The following GPLD1 variants were observed in gnomAD, a reference collection of about 807,000 sequenced individuals.
GPLD1 encodes phosphatidylinositol-glycan-specific phospholipase D.
GPLD1 carries 84 observed loss-of-function variants against 112.6 expected under a neutral mutation model. That is an observed-to-expected ratio of 0.75 (90% confidence interval 0.63 to 0.89). GPLD1 has a LOEUF of 0.89. Among genes scored for constraint, GPLD1 ranks in the 40% least tolerant of loss-of-function variants. GPLD1 has a pLI of 0.00. For missense variants in GPLD1, 1,044 were observed against 1,051.5 expected (o/e 0.99, Z 0.10); for synonymous variants, 386 against 403.8 (o/e 0.96, Z 0.53).
At chr6:24,488,506 T>C in intron 1 of GPLD1, among the ~76,000 whole-genome samples, 1 of 152,096 alleles carries the variant, frequency 6.6e-6, no homozygotes, top group East Asian at 1.9e-4. Flanking sequence ...CTATTACAAA[T>C]TGACTCACGT....
At chr6:24,488,982 G>A (rs1342957967) in intron 1 of GPLD1, among the ~76,000 whole-genome samples, 1 of 152,080 alleles carries the variant, frequency 6.6e-6, no homozygotes, top group Non-Finnish European at 1.5e-5. Flanking sequence ...CCACTCCCAT[G>A]GCCACATATG....
chr6:24,442,156 CTG>C (rs541773415), intron 20 of GPLD1, among the ~76,000 whole-genome samples: 87 of 151,530 alleles, frequency 5.7e-4, no homozygotes, highest in African/African-American at 2.1e-3. Context: ...GGGTCTCACT[CTG>C]TTGCCCAGGC....
Position 24,435,016 on chromosome 6 carries a change from CT to C in GPLD1, c.2358+1559del, listed in dbSNP as rs574602048. On this transcript the variant is annotated intron_variant, in intron 22 of 24. Transcript: ENST00000230036. Reference sequence around the variant, plus strand: ...CTGTAAATGGGCATAATATTAATTTCTTTTTTTTTTTTTTTGAGACAGAGTC... The same window carrying C: ...CTGTAAATGGGCATAATATTAATTTCTTTTTTTTTTTTTTGAGACAGAGTC... Among the ~76,000 whole-genome samples, 787 of 134,034 alleles carry C rather than the reference CT, an allele frequency of 5.9e-3. 2 individuals carry two copies. Among genetic ancestry groups the C allele is most frequent in the African/African-American group, 0.012 (422 of 35,772 alleles). The allele number at this position is 134,034 out of a possible 152,430, so 87.9% of individuals were successfully genotyped here.
chr6:24,479,621 T>C lies in GPLD1; in HGVS notation c.232+260A>G, dbSNP rs969071462. 4.6e-5 allele frequency among the ~76,000 whole-genome samples: 7 copies of C among 152,262 alleles called. No homozygotes were observed. The South Asian group carries it at 1.5e-3, about 32-fold the overall frequency. ...TGCAAAATGTCTTCTATCATGTCAC[T>C]TAGGTTTTCACCAAAAAATAGTTTT... is the stretch of plus-strand genomic sequence containing the variant. On this transcript the variant is annotated intron_variant, in intron 3 of 24. Coordinates refer to ENST00000230036, the MANE Select transcript of GPLD1 (RefSeq NM_001503.4).
At chr6:24,460,904 C>A (rs1052757844) in intron 11 of GPLD1, among the ~76,000 whole-genome samples, 1 of 151,938 alleles carries the variant, frequency 6.6e-6, no homozygotes, top group Admixed American at 6.6e-5. Flanking sequence ...CCACACCCAG[C>A]TGATTTTTTT....
At chr6:24,472,844 C>T (rs1763870228) in intron 6 of GPLD1, among the ~76,000 whole-genome samples, 2 of 151,262 alleles carry the variant, frequency 1.3e-5, no homozygotes, top group Admixed American at 6.6e-5. Context: ...GGCGTGATCT[C>T]GGCTCACTGA....
upstream of GPLD1, among the ~76,000 whole-genome samples, chr6:24,491,814 TAATAA>T (rs1305479107): frequency 2.6e-5 from 4 of 152,230 alleles, no homozygotes; most frequent in Non-Finnish European, 4.4e-5. Flanking sequence ...CGTATAAATG[TAATAA>T]AATAAGAGGA....
Position 24,461,747 on chromosome 6 carries a change from C to T in GPLD1, c.887+983G>A, listed in dbSNP as rs1763445273. 2.6e-5 allele frequency among the ~76,000 whole-genome samples: 4 copies of T among 152,284 alleles called. No individual in the cohort carries two copies. In the South Asian group the frequency reaches 8.3e-4, roughly 32 times the overall value. On this transcript the variant is annotated intron_variant, in intron 11 of 24. Coordinates refer to ENST00000230036, the MANE Select transcript of GPLD1 (RefSeq NM_001503.4). ...ATGTCCACAATTACTTGTTTAGTGCCCAGCTACCTGCCAGGCCATATACCT... is the reference window on the plus strand; with the variant it reads ...ATGTCCACAATTACTTGTTTAGTGCTCAGCTACCTGCCAGGCCATATACCT...
intron 7 of GPLD1, among the ~76,000 whole-genome samples, chr6:24,471,641 T>C (rs1233677232): frequency 6.6e-6 from 1 of 152,170 alleles, no homozygotes; most frequent in Non-Finnish European, 1.5e-5. Flanking sequence ...ATCAAAGACA[T>C]AAAGCTAAGA....
intron 20 of GPLD1, among the ~76,000 whole-genome samples, chr6:24,440,059 G>C (rs148968363): frequency 2.1e-3 from 316 of 152,128 alleles, no homozygotes; most frequent in Non-Finnish European, 3.2e-3. Flanking sequence ...GAAAACAAAA[G>C]AGCTATTGTG....
chr6:24,470,957 C>A (rs1014359548), intron 7 of GPLD1, among the ~76,000 whole-genome samples: 33 of 152,116 alleles, frequency 2.2e-4, no homozygotes, highest in Non-Finnish European at 3.1e-4. Context: ...AACACTTAAT[C>A]AAAATTCCAG....
In GPLD1 at chr6:24,448,004, G is replaced by T. The variant is rs745554074; in HGVS notation, c.1551C>A (p.Leu517=). The T allele has an allele frequency of 1.5e-5, 25 of 1,613,796 alleles. No homozygotes were observed. The highest frequency in any genetic ancestry group is 1.8e-5 in the Non-Finnish European group (21 of 1,179,984). ...TGTCTCCATTCACATCTGCAGCCAA[G>T]AGAGTCCAGCCCAAGTTACAGTAGA... ...QDIYCNLGWT[L]LAADVNGDSE... Residue 517 remains leucine (L), a synonymous_variant, in exon 17 of 25, where the codon CTC becomes CTA. Transcript: ENST00000230036.
At chr6:24,461,302 C>G (rs1320045727) in intron 11 of GPLD1, among the ~76,000 whole-genome samples, 1 of 150,158 alleles carries the variant, frequency 6.7e-6, no homozygotes, top group East Asian at 1.9e-4. Flanking sequence ...TAAACAACAA[C>G]AAAGTATGTT....
chr6:24,488,374 T>C (rs1764449405), intron 1 of GPLD1, among the ~76,000 whole-genome samples: 1 of 150,436 alleles, frequency 6.6e-6, no homozygotes, highest in African/African-American at 2.5e-5. Context: ...ATTGCGCCAC[T>C]GCACTCCAGC....
intron 20 of GPLD1, among the ~76,000 whole-genome samples, chr6:24,444,118 T>C (rs1762835207): frequency 6.6e-6 from 1 of 152,210 alleles, no homozygotes; most frequent in African/African-American, 2.4e-5. Context: ...TCCAGGAATC[T>C]ATCCAAAAAA....
At chr6:24,443,161 G>C (rs1742283) in intron 20 of GPLD1, among the ~76,000 whole-genome samples, 130,620 of 152,152 alleles carry the variant, frequency 0.86, 57,126 homozygotes, top group Non-Finnish European at 0.94. Context: ...AAGACTGAAC[G>C]AAGGAGGACG....
At chr6:24,467,484 C>G (rs1402549589) in intron 7 of GPLD1, among the ~76,000 whole-genome samples, 1 of 152,082 alleles carries the variant, frequency 6.6e-6, no homozygotes. Context: ...ATGATTAAGG[C>G]ACAGAAAAGT....
rs1224797369 is a variant in GPLD1 at position 24,495,042 on chromosome 6, G to C, written n.164C>G. The C allele has an allele frequency of 3.5e-5, 48 of 1,354,548 alleles. No individual in the cohort carries two copies. The highest frequency in any genetic ancestry group is 4.5e-5 in the Non-Finnish European group (47 of 1,056,086). 83.9% of individuals were successfully genotyped at this position (1,354,548 alleles called of 1,614,324 possible). A position where few individuals can be genotyped will look rare whatever the true frequency, so the allele number is the denominator to read the frequency against. On this transcript the variant is annotated non_coding_transcript_exon_variant, in exon 1 of 11. Transcript: ENST00000474784. ...GCGGAGCTGTGGGGCCCGGCGCCTC[G>C]GGTCGACGTTTCCAGGCTGCCGCCT...
chr6:24,436,832 A>G, intron 21 of GPLD1, 96 bp from the exon 22 acceptor site: 1 of 1,209,956 alleles, frequency 8.3e-7, no homozygotes, highest in Non-Finnish European at 1.2e-6. Context: ...CCTCTTACAA[A>G]TAATATTAGT....
Sources: allele counts gnomAD v4.1 joint callset (sites outside exome capture counted in the v4.1 genomes callset), GRCh38; gene constraint gnomAD v4.1.1; transcripts MANE v1.5; gene names NCBI Gene and HGNC (gene_info 2026-07-23, HGNC 2026-07-21).